The following SP140 variants were observed in gnomAD, a reference collection of about 807,000 sequenced individuals.
SP140 encodes nuclear body protein SP140.
Under a neutral mutation model 125.0 loss-of-function variants are expected in SP140, and 81 were observed. That is an observed-to-expected ratio of 0.65 (90% CI 0.54 to 0.78). The LOEUF (loss-of-function observed/expected upper bound fraction) is 0.78. SP140 is among the 30% of genes least tolerant of loss of function. SP140 has a pLI of 0.00. For missense variants in SP140, 858 were observed against 1,037.0 expected (o/e 0.83, Z 2.37); for synonymous variants, 312 against 354.0 (o/e 0.88, Z 1.33).
chr2:230,238,453 AT>A (rs1401907568), intron 3 of SP140, 72 bp downstream of exon 3: 1 of 1,422,622 alleles, frequency 7.0e-7, no homozygotes, highest in African/African-American at 1.4e-5. Context: ...TTCACTCTTC[AT>A]TCATATTTGA....
At chr2:230,197,202 CTGT>C in the SP140 span, among the ~76,000 whole-genome samples, 1 of 151,192 alleles carries the variant, frequency 6.6e-6, no homozygotes, top group South Asian at 2.1e-4. Context: ...TCTCCAGCAC[CTGT>C]TGTTTCCTGA....
chr2:230,261,629 G>T (rs192085185), intron 12 of SP140, among the ~76,000 whole-genome samples: 1 of 152,074 alleles, frequency 6.6e-6, no homozygotes, highest in African/African-American at 2.4e-5. Flanking sequence ...TATGTCTCTT[G>T]TATGCTGATT....
Position 230,237,337 on chromosome 2 carries a change from C to T in SP140, c.237+77C>T, listed in dbSNP as rs1020974226. On this transcript the variant is annotated intron_variant, in intron 2 of 26. Coordinates refer to ENST00000392045, the MANE Select transcript of SP140 (RefSeq NM_007237.5). This position sits in a 1 kb window ranked among gnomAD's most constrained non-coding sequence, Gnocchi z 5.4. ...CAAACTTCAAGATGCAATGAGCAGG[C>T]TAAAGGGCCTCCTGTGAGTGGGGAC... 7.5e-7 allele frequency: 1 copy of T among 1,324,562 alleles called. No individual in the cohort carries two copies. Among genetic ancestry groups the T allele is most frequent in the Non-Finnish European group, 1.1e-6 (1 of 946,296 alleles). 82.1% of individuals were successfully genotyped at this position (1,324,562 alleles called of 1,614,324 possible).
chr2:230,219,847 A>T, intron 3 of SP140: 2 of 916,686 alleles, frequency 2.2e-6, no homozygotes, highest in Non-Finnish European at 2.6e-6. Context: ...AAGAGCGAAG[A>T]ATAAAGCAGC....
At position 230,278,785 on chromosome 2, in the gene SP140, C is replaced by T. The variant is rs186775242; in HGVS notation, c.1499-5561C>T. Among the ~76,000 whole-genome samples, 409 of 152,056 alleles carry T rather than the reference C, an allele frequency of 2.7e-3. 2 individuals carry two copies. The highest frequency in any genetic ancestry group is 0.01 in the Middle Eastern group (3 of 294). On this transcript the variant is annotated intron_variant, in intron 15 of 26. Coordinates refer to ENST00000392045, the MANE Select transcript of SP140 (RefSeq NM_007237.5). Reference sequence around the variant, plus strand: ...TTCTCCATTATTTATTCTTGGCACCCTTGTCAAGATTAAATGCCCCTTCTT... The same window carrying T: ...TTCTCCATTATTTATTCTTGGCACCTTTGTCAAGATTAAATGCCCCTTCTT...
At chr2:230,229,362 A>G (rs971842911) in intron 1 of SP140, among the ~76,000 whole-genome samples, 1 of 149,482 alleles carries the variant, frequency 6.7e-6, no homozygotes, top group Non-Finnish European at 1.5e-5. Flanking sequence ...ACATTTTATT[A>G]TATCTGCATT....
chr2:230,252,750 G>A (rs532428876), intron 10 of SP140, among the ~76,000 whole-genome samples: 1 of 149,642 alleles, frequency 6.7e-6, no homozygotes, highest in African/African-American at 2.5e-5. Context: ...CAAAGGCAAA[G>A]TAGAAAAGGA....
intron 15 of SP140, among the ~76,000 whole-genome samples, chr2:230,278,144 T>C (rs1400286184): frequency 2.0e-5 from 3 of 152,170 alleles, no homozygotes; most frequent in African/African-American, 7.2e-5. Flanking sequence ...CCAACACTTG[T>C]TATCTCCTGC....
intron 1 of SP140, chr2:230,212,869 G>T: frequency 6.2e-7 from 1 of 1,614,116 alleles, no homozygotes; most frequent in Non-Finnish European, 8.5e-7. Flanking sequence ...GATGTTCCAG[G>T]CTCACTGACT....
the SP140 span, among the ~76,000 whole-genome samples, chr2:230,191,029 A>T: frequency 6.6e-6 from 1 of 152,282 alleles, no homozygotes; most frequent in Non-Finnish European, 1.5e-5. Flanking sequence ...GGATTGTCCT[A>T]GCTATATGGG....
chr2:230,265,082 C>T (rs2052866511), intron 12 of SP140, among the ~76,000 whole-genome samples: 1 of 151,690 alleles, frequency 6.6e-6, no homozygotes, highest in African/African-American at 2.4e-5. Context: ...GAAGAGCCGT[C>T]AGGTGGGGGA....
intron 11 of SP140, among the ~76,000 whole-genome samples, chr2:230,253,748 T>A (rs1444896621): frequency 6.6e-6 from 1 of 152,190 alleles, no homozygotes; most frequent in Non-Finnish European, 1.5e-5. Flanking sequence ...CAGGTTATGG[T>A]AATTGAGGCA....
chr2:230,288,704 G>GT (rs1208399248), intron 18 of SP140, among the ~76,000 whole-genome samples: 1 of 152,042 alleles, frequency 6.6e-6, no homozygotes, highest in Non-Finnish European at 1.5e-5. Context: ...CCACTTATGA[G>GT]TGAGAGCATG....
chr2:230,299,791 A>G (rs898659009), intron 22 of SP140, among the ~76,000 whole-genome samples: 1 of 152,132 alleles, frequency 6.6e-6, no homozygotes, highest in Non-Finnish European at 1.5e-5. Flanking sequence ...CGGGAGTGAG[A>G]CTGGCCTTGC....
intron 15 of SP140, among the ~76,000 whole-genome samples, 165 bp from the exon 16 acceptor site, chr2:230,284,181 T>A (rs571674052): frequency 6.6e-6 from 1 of 152,206 alleles, no homozygotes; most frequent in African/African-American, 2.4e-5. Context: ...AGGTAAAATA[T>A]AACTCTGTAC....
chr2:230,216,975 G>T, intron 3 of SP140: 1 of 1,571,206 alleles, frequency 6.4e-7, no homozygotes, highest in Admixed American at 1.8e-5. Flanking sequence ...GCTGGGCGCG[G>T]TGGCTCATGC....
intron 15 of SP140, among the ~76,000 whole-genome samples, chr2:230,283,306 AC>A (rs1296346726): frequency 1.3e-5 from 2 of 152,220 alleles, no homozygotes; most frequent in Non-Finnish European, 2.9e-5. Context: ...AATCTGCTAT[AC>A]CATTCCAGTG....
Position 230,227,731 on chromosome 2 carries a change from A to T in SP140, c.59+1828A>T, listed in dbSNP as rs1364861026. Among the ~76,000 whole-genome samples the T allele has an allele frequency of 2.0e-5, 3 of 152,046 alleles. No individual in the cohort carries two copies. In the East Asian group the frequency reaches 5.8e-4, roughly 29 times the overall value. On this transcript the variant is annotated intron_variant, in intron 1 of 26. Transcript: ENST00000392045. ...GGTGTAGAGTCCATAGTTTTCCTTTATTACCTTTCCATTGTCCATGGAATT... is the reference window on the plus strand; with the variant it reads ...GGTGTAGAGTCCATAGTTTTCCTTTTTTACCTTTCCATTGTCCATGGAATT...
At chr2:230,239,138 C>CA in intron 3 of SP140, 2 of 940,352 alleles carry the variant, frequency 2.1e-6, no homozygotes, top group Non-Finnish European at 2.8e-6. Flanking sequence ...TACCTTGATT[C>CA]AAAAAAGAGG....
Sources: allele counts gnomAD v4.1 joint callset (sites outside exome capture counted in the v4.1 genomes callset), GRCh38; gene constraint gnomAD v4.1.1; non-coding constraint Gnocchi (gnomAD v3.1); transcripts MANE v1.5; gene names NCBI Gene and HGNC (gene_info 2026-07-23, HGNC 2026-07-21).